The following SUSD5 variants were observed in gnomAD, a reference collection of about 807,000 sequenced individuals.
SUSD5 encodes the protein sushi domain containing 5.
Under a neutral mutation model 29.5 loss-of-function variants are expected in SUSD5, and 33 were observed. The ratio of observed to expected loss-of-function variants is 1.12; its 90% CI spans 0.85 to 1.49. The LOEUF is 1.49. Ranked by LOEUF, SUSD5 falls within the 40% of genes most tolerant of loss-of-function variation. The pLI, the probability that SUSD5 is intolerant of heterozygous loss-of-function variation, is 0.00. For missense variants in SUSD5, 776 were observed against 800.6 expected (o/e 0.97, Z 0.37); for synonymous variants, 308 against 325.3 (o/e 0.95, Z 0.57).
In SUSD5 at chr3:33,207,928, T is replaced by C. The variant is rs2032253133; in HGVS notation, c.291-2A>G. 1.2e-6 allele frequency: 2 copies of C among 1,609,930 alleles called. No individual in the cohort carries two copies. The highest frequency in any genetic ancestry group is 1.7e-6 in the Non-Finnish European group (2 of 1,177,924). ...CTTCCTTTGCTACACACAGTTGTTC[T>C]GAAATAGACAAAAAAGGCACTGAAT... On this transcript the variant is annotated splice_acceptor_variant, in intron 2 of 4. Coordinates refer to ENST00000309558, the MANE Select transcript of SUSD5 (RefSeq NM_015551.2). LOFTEE classifies it high-confidence loss of function.
intron 3 of SUSD5, among the ~76,000 whole-genome samples, chr3:33,182,692 AC>A (rs1252073824): frequency 6.6e-6 from 1 of 152,172 alleles, no homozygotes; most frequent in Non-Finnish European, 1.5e-5. Context: ...ATCCCTGATA[AC>A]TTTTCTTGAT....
chr3:33,218,590 G>T (rs1489941927), intron 1 of SUSD5, 96 bp downstream of exon 1: 2 of 1,106,002 alleles, frequency 1.8e-6, no homozygotes, highest in East Asian at 3.2e-5. Context: ...CTTGCCGCTT[G>T]CCGGGCCGGT....
At chr3:33,213,246 T>TA (rs895756774) in intron 2 of SUSD5, among the ~76,000 whole-genome samples, 74 of 148,000 alleles carry the variant, frequency 5.0e-4, no homozygotes, top group African/African-American at 1.7e-3. Context: ...TTTACCTCTA[T>TA]AAAAAAAAAA....
intron 3 of SUSD5, among the ~76,000 whole-genome samples, chr3:33,207,172 A>G (rs932976004): frequency 6.6e-6 from 1 of 152,148 alleles, no homozygotes; most frequent in Admixed American, 6.5e-5. Context: ...GCAGTTCCCT[A>G]AATCTTATAA....
At chr3:33,171,350 A>G (rs573666046) in intron 4 of SUSD5, among the ~76,000 whole-genome samples, 1 of 152,236 alleles carries the variant, frequency 6.6e-6, no homozygotes, top group African/African-American at 2.4e-5. Flanking sequence ...CTTCTTAAAA[A>G]AAAAAAGGGT....
chr3:33,190,993 A>T (rs185851732), intron 3 of SUSD5, among the ~76,000 whole-genome samples: 1 of 152,220 alleles, frequency 6.6e-6, no homozygotes, highest in East Asian at 1.9e-4. Flanking sequence ...TTAGGAGCTT[A>T]TATACCTTCT....
chr3:33,185,366 G>T (rs554642107), intron 3 of SUSD5, among the ~76,000 whole-genome samples: 1 of 152,336 alleles, frequency 6.6e-6, no homozygotes, highest in South Asian at 2.1e-4. Context: ...ACCTGATAGA[G>T]CTCCTGGAGG....
At chr3:33,209,707 T>G (rs2032287632) in intron 2 of SUSD5, among the ~76,000 whole-genome samples, 1 of 151,704 alleles carries the variant, frequency 6.6e-6, no homozygotes, top group Admixed American at 6.6e-5. Context: ...GGTCTCACTA[T>G]GATGTCTAGA....
chr3:33,180,924 T>C (rs1208088043), intron 3 of SUSD5, among the ~76,000 whole-genome samples: 1 of 150,168 alleles, frequency 6.7e-6, no homozygotes, highest in East Asian at 1.9e-4. Flanking sequence ...CCTCAAGAGA[T>C]CCTCCTGCCT....
At chr3:33,179,054 C>T (rs7612842) in intron 3 of SUSD5, among the ~76,000 whole-genome samples, 23,056 of 151,978 alleles carry the variant, frequency 0.15, 1,965 homozygotes, top group South Asian at 0.26. Context: ...CACTAGTGAA[C>T]GCTCTGGGCT....
chr3:33,172,459 G>A (rs551147496), intron 4 of SUSD5, among the ~76,000 whole-genome samples: 1 of 152,322 alleles, frequency 6.6e-6, no homozygotes, highest in East Asian at 1.9e-4. Context: ...ATGAGATGGT[G>A]CAACTTCAGC....
Position 33,183,930 on chromosome 3 carries a change from C to CTTTTTTTTTTTTTT in SUSD5, c.410-8870_410-8857dup, listed in dbSNP as rs68055129. 6.7e-4 allele frequency among the ~76,000 whole-genome samples: 42 copies of CTTTTTTTTTTTTTT among 62,596 alleles called. 4 individuals carry two copies. The highest frequency in any genetic ancestry group is 1.7e-3 in the South Asian group (2 of 1,182). The allele number at this position is 62,596 out of a possible 152,430, so 41.1% of individuals were successfully genotyped here. A position where few individuals can be genotyped will look rare whatever the true frequency, so the allele number is the denominator to read the frequency against. On this transcript the variant is annotated intron_variant, in intron 3 of 4. Coordinates refer to ENST00000309558, the MANE Select transcript of SUSD5 (RefSeq NM_015551.2). ...AACACTTTAAATATTTTATTACCCT[C>CTTTTTTTTTTTTTT]TTTTTTTTTTTTTTTTTTTTTTTTT...
chr3:33,194,661 A>G (rs2031961507), intron 3 of SUSD5, among the ~76,000 whole-genome samples: 1 of 152,182 alleles, frequency 6.6e-6, no homozygotes. Flanking sequence ...CCTTGGTGAC[A>G]GTAGTTCCAC....
rs548889168 is a variant in SUSD5 at position 33,150,695 on chromosome 3, T to A, written c.*2047A>T. On this transcript the variant is annotated 3_prime_UTR_variant, in exon 5 of 5. Transcript: ENST00000309558. ...CTATGGGGAATAAGATCTTTGATTATGCTGCCTCTCTTTACAGCTACTTCG... is the reference window on the plus strand; with the variant it reads ...CTATGGGGAATAAGATCTTTGATTAAGCTGCCTCTCTTTACAGCTACTTCG... The A allele has an allele frequency of 3.3e-5, 5 of 152,234 alleles. No homozygotes were observed. The highest frequency in any genetic ancestry group is 5.9e-5 in the Non-Finnish European group (4 of 68,040). 9.4% of individuals were successfully genotyped at this position (152,234 alleles called of 1,614,324 possible).
intron 4 of SUSD5, among the ~76,000 whole-genome samples, chr3:33,166,617 C>T (rs2031310294): frequency 6.6e-6 from 1 of 152,182 alleles, no homozygotes; most frequent in Non-Finnish European, 1.5e-5. Context: ...GGCATGTCCC[C>T]CCTGCCTTTG....
At chr3:33,164,164 A>G (rs2031255259) in intron 4 of SUSD5, among the ~76,000 whole-genome samples, 1 of 152,058 alleles carries the variant, frequency 6.6e-6, no homozygotes, top group African/African-American at 2.4e-5. Context: ...ACAGAGCAAG[A>G]CTCTGTCTCA....
chr3:33,169,622 C>T (rs1047100147), intron 4 of SUSD5, among the ~76,000 whole-genome samples: 34 of 152,226 alleles, frequency 2.2e-4, no homozygotes, highest in Admixed American at 8.5e-4. Context: ...AGACAGACAG[C>T]ATGGAGTGAG....
chr3:33,150,615 CT>C lies in SUSD5; in HGVS notation c.*2126del, dbSNP rs1305876369. On this transcript the variant is annotated 3_prime_UTR_variant, in exon 5 of 5. Transcript: ENST00000309558. ...AGCATTTTATTCCTATTGTTCTTGA[CT>C]TCGTCTGATGCACAGGTATTCTAGT... 1 of 152,172 alleles carries C rather than the reference CT, an allele frequency of 6.6e-6. No individual in the cohort carries two copies. The highest frequency in any genetic ancestry group is 1.5e-5 in the Non-Finnish European group (1 of 68,036). The allele number at this position is 152,172 out of a possible 1,614,324, so 9.4% of individuals were successfully genotyped here.
intron 3 of SUSD5, among the ~76,000 whole-genome samples, chr3:33,200,264 C>T (rs954432175): frequency 2.0e-5 from 3 of 152,190 alleles, no homozygotes; most frequent in Non-Finnish European, 4.4e-5. Flanking sequence ...CTTGGACTTC[C>T]CAGCCTCCAG....
Sources: allele counts gnomAD v4.1 joint callset (sites outside exome capture counted in the v4.1 genomes callset), GRCh38; gene constraint gnomAD v4.1.1; transcripts MANE v1.5; gene names NCBI Gene and HGNC (gene_info 2026-07-23, HGNC 2026-07-21).